Variants in GPR160 observed in about 807,000 individuals in gnomAD.
GPR160 encodes G protein-coupled receptor 160, also known as probable G protein-coupled receptor 160.
Under a neutral mutation model 2.6 loss-of-function variants are expected in GPR160, and 2 were observed. The observed-to-expected ratio is 0.77, with a 90% CI of 0.32 to 2.44. GPR160 has a LOEUF of 2.44. GPR160 is among the 30% of genes most tolerant of loss of function. GPR160 has a pLI of 0.11. For synonymous variants in GPR160, 130 were observed against 132.2 expected (o/e 0.98, Z 0.12); for missense variants, 351 against 383.6 (o/e 0.91, Z 0.71).
chr3:170,069,116 C>G (rs984149824), intron 2 of GPR160, among the ~76,000 whole-genome samples: 8 of 152,204 alleles, frequency 5.3e-5, no homozygotes, highest in Non-Finnish European at 4.4e-5. Flanking sequence ...CTCAACTCTG[C>G]CTACCGTCCA....
chr3:170,064,662 G>T (rs1264914278), intron 2 of GPR160, among the ~76,000 whole-genome samples: 3 of 151,836 alleles, frequency 2.0e-5, no homozygotes, highest in African/African-American at 7.3e-5. Context: ...GGGACTACAG[G>T]CACATGCCAC....
intron 2 of GPR160, among the ~76,000 whole-genome samples, chr3:170,061,393 TCTAACAA>T (rs1711946330): frequency 6.7e-6 from 1 of 149,470 alleles, no homozygotes; most frequent in Non-Finnish European, 1.5e-5. Flanking sequence ...TAAAAAAAAC[TCTAACAA>T]CATTGGGACA....
chr3:170,048,867 A>T (rs1716841399), intron 2 of GPR160, among the ~76,000 whole-genome samples: 1 of 152,138 alleles, frequency 6.6e-6, no homozygotes, highest in South Asian at 2.1e-4. Flanking sequence ...AGCTTGTTAG[A>T]AATGCAAAAG....
At chr3:170,078,913 C>T (rs185505973) in intron 2 of GPR160, among the ~76,000 whole-genome samples, 19 of 152,088 alleles carry the variant, frequency 1.2e-4, no homozygotes, top group Non-Finnish European at 1.3e-4. Flanking sequence ...ACATAGCTTC[C>T]GGGGGAGAAT....
At chr3:170,067,808 A>AT (rs1712420832) in intron 2 of GPR160, among the ~76,000 whole-genome samples, 2 of 151,946 alleles carry the variant, frequency 1.3e-5, no homozygotes, top group South Asian at 4.1e-4. Flanking sequence ...TTACTTCTCC[A>AT]TTTTTCCCCT....
intron 2 of GPR160, among the ~76,000 whole-genome samples, chr3:170,044,491 C>T (rs891918934): frequency 6.6e-6 from 1 of 152,058 alleles, no homozygotes; most frequent in African/African-American, 2.4e-5. Flanking sequence ...TTGTTCGCTA[C>T]CCCCTGCAGT....
intron 2 of GPR160, among the ~76,000 whole-genome samples, chr3:170,040,397 G>A (rs1001966124): frequency 6.6e-6 from 1 of 152,200 alleles, no homozygotes; most frequent in African/African-American, 2.4e-5. Context: ...TGTCAAGGCT[G>A]CTTCTCCAGA....
At chr3:170,042,760 T>A (rs767163554) in intron 2 of GPR160, among the ~76,000 whole-genome samples, 5 of 148,430 alleles carry the variant, frequency 3.4e-5, no homozygotes, top group Admixed American at 6.8e-5. Flanking sequence ...CCAGCAGTTC[T>A]AGGCTGCAGT....
intron 2 of GPR160, among the ~76,000 whole-genome samples, chr3:170,055,433 G>A (rs1711588627): frequency 6.6e-6 from 1 of 152,190 alleles, no homozygotes; most frequent in Non-Finnish European, 1.5e-5. Flanking sequence ...TAACCTCTCT[G>A]GTGGTTGAGT....
At chr3:170,044,507 A>G (rs1439395174) in intron 2 of GPR160, among the ~76,000 whole-genome samples, 2 of 152,030 alleles carry the variant, frequency 1.3e-5, no homozygotes, top group Admixed American at 6.6e-5. Context: ...GCAGTTTGAC[A>G]AGAATGGAGT....
intron 2 of GPR160, among the ~76,000 whole-genome samples, chr3:170,054,863 G>A (rs982264136): frequency 1.4e-4 from 21 of 150,212 alleles, no homozygotes; most frequent in Non-Finnish European, 1.3e-4. Flanking sequence ...GCCCGATCTT[G>A]GCTCACTGCA....
intron 2 of GPR160, among the ~76,000 whole-genome samples, chr3:170,061,262 G>A (rs58311244): frequency 0.3 from 44,700 of 148,300 alleles, 6,996 homozygotes; most frequent in East Asian, 0.58. Context: ...GTGACAGAGT[G>A]AGACTCTGTC....
At chr3:170,083,598 G>A (rs1331325746) in intron 3 of GPR160, 2 of 155,736 alleles carry the variant, frequency 1.3e-5, no homozygotes, top group African/African-American at 4.8e-5. Context: ...TTTTGGCCCT[G>A]GTAGATAAAA....
intron 2 of GPR160, among the ~76,000 whole-genome samples, chr3:170,058,282 G>C (rs934714353): frequency 6.6e-6 from 1 of 152,172 alleles, no homozygotes; most frequent in Non-Finnish European, 1.5e-5. Flanking sequence ...GGACCCAGCT[G>C]ACGGCACCCA....
chr3:170,079,583 C>G (rs971866429), intron 2 of GPR160, among the ~76,000 whole-genome samples, 191 bp from the exon 3 acceptor site: 1 of 152,132 alleles, frequency 6.6e-6, no homozygotes, highest in Non-Finnish European at 1.5e-5. Flanking sequence ...CTTTGGTGTG[C>G]TTTCAATCCA....
chr3:170,058,875 A>G (rs970319945), intron 2 of GPR160, among the ~76,000 whole-genome samples: 3 of 152,236 alleles, frequency 2.0e-5, no homozygotes, highest in African/African-American at 7.2e-5. Flanking sequence ...ACAATTTTTA[A>G]AAAATTAAAA....
intron 2 of GPR160, among the ~76,000 whole-genome samples, chr3:170,044,256 G>A (rs981744418): frequency 2.0e-5 from 3 of 147,620 alleles, no homozygotes; most frequent in Admixed American, 1.4e-4. Context: ...CTCAGGGGGC[G>A]GAGGTTGCGG....
At chr3:170,065,811 T>A (rs532021218) in intron 2 of GPR160, among the ~76,000 whole-genome samples, 1 of 152,352 alleles carries the variant, frequency 6.6e-6, no homozygotes, top group Non-Finnish European at 1.5e-5. Context: ...TTTTGAATAC[T>A]TAATACAGTC....
At chr3:170,062,806 T>C (rs1712036353) in intron 2 of GPR160, 1 of 643,160 alleles carries the variant, frequency 1.6e-6, no homozygotes, top group Non-Finnish European at 2.8e-6. Context: ...AGGGAAAGAA[T>C]AGATGAATTG....
Sources: allele counts gnomAD v4.1 joint callset (sites outside exome capture counted in the v4.1 genomes callset), GRCh38; gene constraint gnomAD v4.1.1; transcripts MANE v1.5; gene names NCBI Gene and HGNC (gene_info 2026-07-23, HGNC 2026-07-21).